Variants in MYO10 observed in about 807,000 individuals in gnomAD.
The protein encoded by MYO10 is myosin X.
A neutral mutation model predicts 257.3 loss-of-function variants in MYO10; 133 were observed. The ratio of observed to expected loss-of-function variants is 0.52; its 90% CI spans 0.45 to 0.60. MYO10 has a LOEUF of 0.60. Among genes scored for constraint, MYO10 ranks in the 20% least tolerant of loss-of-function variants. The pLI is 0.00. For synonymous variants in MYO10, 1,104 were observed against 1,028.6 expected (o/e 1.07, Z -1.40); for missense variants, 2,399 against 2,635.7 (o/e 0.91, Z 1.97).
In MYO10 at chr5:16,837,786, G is replaced by GAC. The variant is rs567037806; in HGVS notation, c.121-19621_121-19620dup. On this transcript the variant is annotated intron_variant, in intron 2 of 40. Coordinates refer to ENST00000513610, the MANE Select transcript of MYO10 (RefSeq NM_012334.3). Reference sequence around the variant, plus strand: ...ACAGGCACACCTCGTTTAATTCACAGACACTGCATTTTCTTACAAATCGAG... The same window carrying GAC: ...ACAGGCACACCTCGTTTAATTCACAGACACACTGCATTTTCTTACAAATCGAG... 2.5e-3 allele frequency among the ~76,000 whole-genome samples: 386 copies of GAC among 152,272 alleles called. 3 individuals carry two copies. The highest frequency in any genetic ancestry group is 8.9e-3 in the African/African-American group (369 of 41,560).
intron 2 of MYO10, among the ~76,000 whole-genome samples, chr5:16,864,146 C>CT (rs1554004188): frequency 2.4e-4 from 30 of 124,816 alleles, no homozygotes; most frequent in African/African-American, 8.4e-4. Context: ...TGCTATGTGG[C>CT]TATTTTTTTT....
At chr5:16,927,289 T>C (rs1256292134) in intron 1 of MYO10, among the ~76,000 whole-genome samples, 3 of 152,160 alleles carry the variant, frequency 2.0e-5, no homozygotes, top group Non-Finnish European at 4.4e-5. Context: ...AGCTTCTTTG[T>C]GTCTTCTGCT....
At chr5:16,671,756 A>AG (rs1386872452) in intron 37 of MYO10, among the ~76,000 whole-genome samples, 7 of 152,212 alleles carry the variant, frequency 4.6e-5, no homozygotes, top group Non-Finnish European at 1.0e-4. Context: ...GGCAGCCCCT[A>AG]GTTTAACCAG....
Position 16,830,235 on chromosome 5 carries a change from C to CA in MYO10, c.121-12069dup, listed in dbSNP as rs534014625. 1.6e-3 allele frequency among the ~76,000 whole-genome samples: 213 copies of CA among 136,382 alleles called. 5 individuals are homozygous for CA. The South Asian group carries it at 0.017, about 11-fold the overall frequency. 89.5% of individuals were successfully genotyped at this position (136,382 alleles called of 152,430 possible). On this transcript the variant is annotated intron_variant, in intron 2 of 40. Coordinates refer to ENST00000513610, the MANE Select transcript of MYO10 (RefSeq NM_012334.3). ...TGGGCGACAGAGGGAGACTCCATCT[C>CA]AAAAAAAAAAAGGGAAAACCAGACC... is the stretch of plus-strand genomic sequence containing the variant.
intron 2 of MYO10, among the ~76,000 whole-genome samples, chr5:16,853,744 G>A (rs1743880225): frequency 6.6e-6 from 1 of 152,064 alleles, no homozygotes; most frequent in Non-Finnish European, 1.5e-5. Context: ...CATCTCTCCC[G>A]TCCAGGATGA....
intron 19 of MYO10, among the ~76,000 whole-genome samples, chr5:16,747,939 A>AAAG: frequency 8.1e-6 from 1 of 123,552 alleles, no homozygotes; most frequent in Non-Finnish European, 1.5e-5. Context: ...AAAAAAAAAA[A>AAAG]AAAAAAAGAA....
intron 4 of MYO10, among the ~76,000 whole-genome samples, chr5:16,785,351 C>A (rs1246452584): frequency 2.0e-5 from 3 of 152,184 alleles, no homozygotes; most frequent in Admixed American, 2.0e-4. Flanking sequence ...CTCACAGAAA[C>A]CAAGAGAGAC....
At chr5:16,683,116 G>A (rs1737083549) in intron 30 of MYO10, among the ~76,000 whole-genome samples, 1 of 152,162 alleles carries the variant, frequency 6.6e-6, no homozygotes, top group South Asian at 2.1e-4. Context: ...CAACGGGAGG[G>A]TGACTGACAG....
rs1427524004 is a variant in MYO10, at chr5:16,668,385, T to G, written c.5967A>C (p.Arg1989Ser). 1 of 1,613,850 alleles carries G rather than the reference T, an allele frequency of 6.2e-7. No individual in the cohort carries two copies. The highest frequency in any genetic ancestry group is 8.5e-7 in the Non-Finnish European group (1 of 1,179,882). Residue 1989 changes from arginine (R) to serine (S), a missense_variant, in exon 40 of 41, where the codon AGA becomes AGC. Transcript: ENST00000513610. ...GTTCATACTGGAAGACTTCCAGTGG[T>G]CTTCCCTCTCCACGCTTGTAGACGG... ...AVSVYKRGEGRPLEVFQYEHI... is the reference protein window; with the variant it reads ...AVSVYKRGEGSPLEVFQYEHI...
At chr5:16,886,927 A>G (rs1744912696) in intron 1 of MYO10, among the ~76,000 whole-genome samples, 1 of 125,360 alleles carries the variant, frequency 8.0e-6, no homozygotes, top group Non-Finnish European at 1.7e-5. Context: ...GCGAGACTCC[A>G]TCTCCAAAAA....
At chr5:16,673,281 TAGTA>T (rs1384620785) in intron 36 of MYO10, among the ~76,000 whole-genome samples, 2 of 151,938 alleles carry the variant, frequency 1.3e-5, no homozygotes, top group East Asian at 1.9e-4. Flanking sequence ...GGTTTTATAA[TAGTA>T]AGTTCAAATT....
chr5:16,699,414 C>T (rs1737919276), intron 26 of MYO10, 36 bp downstream of exon 26: 2 of 1,604,810 alleles, frequency 1.2e-6, no homozygotes, highest in Non-Finnish European at 8.5e-7. Context: ...CCTCGCTCTC[C>T]CCCTAACCCA....
At chr5:16,714,297 G>GAA (rs140281498) in intron 19 of MYO10, among the ~76,000 whole-genome samples, 6 of 147,414 alleles carry the variant, frequency 4.1e-5, no homozygotes, top group African/African-American at 1.2e-4. Context: ...TTCCCCACAG[G>GAA]AAAAAAAAAA....
chr5:16,690,444 C>A (rs1051826571), intron 27 of MYO10, among the ~76,000 whole-genome samples: 1 of 152,210 alleles, frequency 6.6e-6, no homozygotes, highest in Non-Finnish European at 1.5e-5. Context: ...AGTCTCATCT[C>A]TGCTGCCCAG....
chr5:16,818,427 C>CGTATATATATCTAT (rs1561000965), intron 2 of MYO10, among the ~76,000 whole-genome samples: 1 of 139,056 alleles, frequency 7.2e-6, no homozygotes, highest in African/African-American at 2.9e-5. Flanking sequence ...TATATATATA[C>CGTATATATATCTAT]ACATATCTTT....
chr5:16,687,699 T>A (rs983419394), intron 28 of MYO10, among the ~76,000 whole-genome samples: 2 of 151,980 alleles, frequency 1.3e-5, no homozygotes, highest in African/African-American at 4.8e-5. Context: ...CTTGAAAATA[T>A]TCAACATATA....
intron 4 of MYO10, among the ~76,000 whole-genome samples, chr5:16,783,884 A>G (rs11133859): frequency 0.23 from 34,882 of 152,252 alleles, 4,227 homozygotes; most frequent in Non-Finnish European, 0.26. Context: ...GCAGGTACAC[A>G]TGAATAAAAA....
intron 2 of MYO10, among the ~76,000 whole-genome samples, chr5:16,870,186 A>G (rs1213929060): frequency 6.8e-6 from 1 of 147,948 alleles, no homozygotes; most frequent in Non-Finnish European, 1.5e-5. Flanking sequence ...GGGCTCAGAG[A>G]ATAAAAAGGA....
intron 19 of MYO10, among the ~76,000 whole-genome samples, chr5:16,754,473 A>G (rs532067709): frequency 2.0e-5 from 3 of 150,362 alleles, no homozygotes; most frequent in Non-Finnish European, 3.0e-5. Context: ...TAAAAACTTT[A>G]AAAAAAAAAT....
Sources: allele counts gnomAD v4.1 joint callset (sites outside exome capture counted in the v4.1 genomes callset), GRCh38; gene constraint gnomAD v4.1.1; transcripts MANE v1.5; gene names NCBI Gene and HGNC (gene_info 2026-07-23, HGNC 2026-07-21).